PTPRD: variants seen among roughly 807,000 people sequenced by gnomAD.
PTPRD encodes receptor-type tyrosine-protein phosphatase delta.
Under a neutral mutation model 214.5 loss-of-function variants are expected in PTPRD, and 34 were observed. The observed-to-expected ratio is 0.16, with a 90% CI of 0.12 to 0.21. The LOEUF (loss-of-function observed/expected upper bound fraction) is 0.21, where lower values mean the gene tolerates loss of function less well. Ranked by LOEUF, PTPRD falls within the 10% of genes least tolerant of loss-of-function variation. PTPRD has a pLI of 1.00. For missense variants in PTPRD, 2,545 were observed against 2,398.7 expected (o/e 1.06, Z -1.27); for synonymous variants, 1,128 against 845.7 (o/e 1.33, Z -5.79).
chr9:9,562,373 G>A (rs1462022879), intron 8 of PTPRD, among the ~76,000 whole-genome samples: 5 of 152,086 alleles, frequency 3.3e-5, no homozygotes, highest in Non-Finnish European at 5.9e-5. Flanking sequence ...CTGCATTACG[G>A]TAGCCTTTAA....
chr9:9,617,101 A>G (rs1388282679), intron 7 of PTPRD, among the ~76,000 whole-genome samples: 1 of 152,134 alleles, frequency 6.6e-6, no homozygotes, highest in Non-Finnish European at 1.5e-5. Context: ...TTGTTATGTG[A>G]TGCTGAGCTT....
intron 37 of PTPRD, 100 bp downstream of exon 37, chr9:8,389,132 A>C: frequency 3.0e-6 from 3 of 1,008,956 alleles, no homozygotes; most frequent in Middle Eastern, 3.1e-4. Flanking sequence ...TAGAAAGATA[A>C]GCCTTAGGGA....
chr9:10,437,780 T>C (rs2098730111), intron 2 of PTPRD, among the ~76,000 whole-genome samples: 1 of 151,248 alleles, frequency 6.6e-6, no homozygotes, highest in African/African-American at 2.4e-5. Context: ...ATCAGATATA[T>C]ATATATCTGA....
chr9:8,387,971 T>C (rs1441502846), intron 37 of PTPRD, among the ~76,000 whole-genome samples: 1 of 152,234 alleles, frequency 6.6e-6, no homozygotes, highest in Non-Finnish European at 1.5e-5. Context: ...GCATGTAAAG[T>C]ATGGCAGATA....
intron 8 of PTPRD, among the ~76,000 whole-genome samples, chr9:9,552,627 A>G (rs1483746646): frequency 6.6e-6 from 1 of 152,060 alleles, no homozygotes; most frequent in African/African-American, 2.4e-5. Flanking sequence ...TCTGAGATTT[A>G]TCTAGTGTTT....
intron 9 of PTPRD, among the ~76,000 whole-genome samples, chr9:9,307,165 A>G (rs899372275): frequency 1.3e-5 from 2 of 152,180 alleles, no homozygotes; most frequent in Non-Finnish European, 2.9e-5. Flanking sequence ...GAAACCAGCT[A>G]TGATTGCAAA....
chr9:9,168,616 T>G (rs931837073), intron 10 of PTPRD, among the ~76,000 whole-genome samples: 2 of 152,090 alleles, frequency 1.3e-5, no homozygotes, highest in African/African-American at 4.8e-5. Flanking sequence ...AAAAAACGAT[T>G]TTTTTGCACT....
At chr9:8,940,279 C>CATT (rs567895822) in intron 11 of PTPRD, among the ~76,000 whole-genome samples, 1 of 89,348 alleles carries the variant, frequency 1.1e-5, no homozygotes. Flanking sequence ...CTCTCTCTCT[C>CATT]CTTTTTTTTT....
In PTPRD at chr9:9,014,475, C is replaced by T. The variant is rs543225692; in HGVS notation, c.-104+4222G>A. On this transcript the variant is annotated intron_variant, in intron 11 of 45. Transcript: ENST00000381196. The stretch of plus-strand genomic sequence containing the variant: ...AGTTTTATAAAAGTGTTAATATGAA[C>T]GATACATATGTGATTACCTAGAGTG... 5.3e-5 allele frequency among the ~76,000 whole-genome samples: 8 copies of T among 152,052 alleles called. No individual in the cohort carries two copies. In the South Asian group the frequency reaches 1.0e-3, roughly 20 times the overall value.
intron 8 of PTPRD, among the ~76,000 whole-genome samples, chr9:9,405,234 A>G (rs1476584911): frequency 1.3e-5 from 2 of 152,102 alleles, no homozygotes; most frequent in Non-Finnish European, 2.9e-5. Context: ...CAAATTTACA[A>G]TGTAGTTGCA....
At chr9:8,321,099 A>G (rs1353090992) in intron 44 of PTPRD, among the ~76,000 whole-genome samples, 1 of 152,098 alleles carries the variant, frequency 6.6e-6, no homozygotes, top group Admixed American at 6.6e-5. Flanking sequence ...GAAGTGATTG[A>G]AGATGTCTAG....
chr9:8,397,100 T>A (rs7862179), intron 36 of PTPRD, among the ~76,000 whole-genome samples: 1 of 152,248 alleles, frequency 6.6e-6, no homozygotes, highest in South Asian at 2.1e-4. Context: ...CAACAAATAA[T>A]TGGACAGGAT....
chr9:10,254,732 CT>C (rs1252421028), intron 3 of PTPRD, among the ~76,000 whole-genome samples: 1 of 152,142 alleles, frequency 6.6e-6, no homozygotes, highest in African/African-American at 2.4e-5. Context: ...AACACATACC[CT>C]GACATGATTT....
At chr9:8,621,148 C>T (rs972262514) in intron 14 of PTPRD, among the ~76,000 whole-genome samples, 1 of 151,864 alleles carries the variant, frequency 6.6e-6, no homozygotes, top group African/African-American at 2.4e-5. Context: ...CAGGGTAAGC[C>T]TGTCTCTGCT....
intron 9 of PTPRD, among the ~76,000 whole-genome samples, chr9:9,287,332 T>C (rs1323071976): frequency 6.6e-6 from 1 of 151,852 alleles, no homozygotes; most frequent in African/African-American, 2.4e-5. Context: ...TACTATTTCA[T>C]CGTCACCTTT....
At chr9:9,778,517 G>A (rs1031108210) in intron 5 of PTPRD, among the ~76,000 whole-genome samples, 5 of 152,160 alleles carry the variant, frequency 3.3e-5, no homozygotes, top group Admixed American at 6.5e-5. Context: ...GCTGACCTCC[G>A]AGTCAGGAGA....
chr9:9,933,212 A>T (rs2087515471), intron 5 of PTPRD, among the ~76,000 whole-genome samples: 1 of 152,260 alleles, frequency 6.6e-6, no homozygotes, highest in East Asian at 1.9e-4. Flanking sequence ...GACAGGATCA[A>T]ATTCACACAT....
chr9:8,822,022 C>A (rs2097077974), intron 11 of PTPRD, among the ~76,000 whole-genome samples: 1 of 152,186 alleles, frequency 6.6e-6, no homozygotes, highest in Non-Finnish European at 1.5e-5. Context: ...TAGACAGTTA[C>A]AGGATTTGTT....
intron 12 of PTPRD, among the ~76,000 whole-genome samples, chr9:8,664,237 CT>C (rs2097126972): frequency 6.6e-6 from 1 of 152,128 alleles, no homozygotes; most frequent in Admixed American, 6.6e-5. Context: ...CTTAATAAGC[CT>C]TTAAAAAAAT....
Sources: allele counts gnomAD v4.1 joint callset (sites outside exome capture counted in the v4.1 genomes callset), GRCh38; gene constraint gnomAD v4.1.1; transcripts MANE v1.5; gene names NCBI Gene and HGNC (gene_info 2026-07-23, HGNC 2026-07-21).